Variants in ADAMTSL1 observed in about 807,000 individuals in gnomAD.
The protein encoded by ADAMTSL1 is ADAMTS-like protein 1.
A neutral mutation model predicts 201.8 loss-of-function variants in ADAMTSL1; 126 were observed. The observed-to-expected ratio is 0.62, with a 90% CI of 0.54 to 0.72. The LOEUF is 0.72. Among genes scored for constraint, ADAMTSL1 ranks in the 30% least tolerant of loss-of-function variants. The probability of loss-of-function intolerance (pLI) is 0.00; values close to 1 mark genes in which losing one functional copy is unlikely to be tolerated. For synonymous variants in ADAMTSL1, 1,121 were observed against 903.4 expected (o/e 1.24, Z -4.32); for missense variants, 2,679 against 2,277.8 (o/e 1.18, Z -3.59).
intron 1 of ADAMTSL1, among the ~76,000 whole-genome samples, chr9:18,089,107 G>A (rs926264225): frequency 5.3e-5 from 8 of 152,100 alleles, no homozygotes; most frequent in African/African-American, 1.9e-4. Flanking sequence ...AGCCAAGATC[G>A]TGCCATTGCG....
chr9:18,733,629 C>CCCCCCACCCCCCCA (rs1554745073), intron 15 of ADAMTSL1, among the ~76,000 whole-genome samples: 1 of 138,466 alleles, frequency 7.2e-6, no homozygotes, highest in African/African-American at 2.8e-5. Context: ...CACCACCACT[C>CCCCCCACCCCCCCA]CCCCCACACA....
chr9:17,991,021 C>G (rs901491239), intron 1 of ADAMTSL1, among the ~76,000 whole-genome samples: 10 of 151,962 alleles, frequency 6.6e-5, no homozygotes, highest in African/African-American at 2.4e-4. Flanking sequence ...ATTCCAAACA[C>G]GTAGCTTCAT....
intron 1 of ADAMTSL1, among the ~76,000 whole-genome samples, chr9:18,117,278 G>A (rs1825293609): frequency 6.6e-6 from 1 of 152,086 alleles, no homozygotes; most frequent in Non-Finnish European, 1.5e-5. Flanking sequence ...CCCTCTTTCA[G>A]AGTTAAGGTC....
intron 2 of ADAMTSL1, among the ~76,000 whole-genome samples, chr9:18,197,406 G>A (rs1330751895): frequency 8.0e-6 from 1 of 124,760 alleles, no homozygotes. Flanking sequence ...TCCCTTGTAA[G>A]TTGGATTCCT....
chr9:18,833,240 T>C (rs1027082847), intron 23 of ADAMTSL1, among the ~76,000 whole-genome samples: 1 of 152,212 alleles, frequency 6.6e-6, no homozygotes, highest in African/African-American at 2.4e-5. Context: ...CAGTAGAGGG[T>C]TGAATGATAT....
intron 2 of ADAMTSL1, among the ~76,000 whole-genome samples, chr9:18,285,169 G>T (rs1832946929): frequency 6.6e-6 from 1 of 152,006 alleles, no homozygotes; most frequent in African/African-American, 2.4e-5. Context: ...ACTCTCAAAG[G>T]CAGTATATAA....
At chr9:17,907,617 G>A (rs866090261) in intron 1 of ADAMTSL1, among the ~76,000 whole-genome samples, 5 of 152,122 alleles carry the variant, frequency 3.3e-5, no homozygotes, top group African/African-American at 9.7e-5. Context: ...CTCCAGGGTG[G>A]GAAATTCAGG....
chr9:18,610,700 C>T (rs1825312857), intron 4 of ADAMTSL1, among the ~76,000 whole-genome samples: 1 of 152,168 alleles, frequency 6.6e-6, no homozygotes, highest in South Asian at 2.1e-4. Flanking sequence ...ACTTGGAAAT[C>T]TGAGATGCAT....
intron 1 of ADAMTSL1, among the ~76,000 whole-genome samples, chr9:18,485,694 CAGA>C (rs1212327640): frequency 6.6e-6 from 1 of 152,058 alleles, no homozygotes; most frequent in Non-Finnish European, 1.5e-5. Context: ...GGCAAAGGCC[CAGA>C]AGAAGGAAAG....
chr9:18,390,774 A>G (rs1179460625), intron 2 of ADAMTSL1, among the ~76,000 whole-genome samples: 4 of 152,170 alleles, frequency 2.6e-5, no homozygotes, highest in African/African-American at 9.7e-5. Context: ...TAGCATACAG[A>G]TAAATACAAA....
At chr9:18,019,441 T>C (rs1820391922) in intron 1 of ADAMTSL1, among the ~76,000 whole-genome samples, 1 of 152,080 alleles carries the variant, frequency 6.6e-6, no homozygotes, top group African/African-American at 2.4e-5. Context: ...TGACCGGACC[T>C]TTGTTAAGAC....
intron 15 of ADAMTSL1, among the ~76,000 whole-genome samples, chr9:18,752,439 C>G (rs1819519886): frequency 6.6e-6 from 1 of 152,222 alleles, no homozygotes; most frequent in Admixed American, 6.5e-5. Context: ...GTGCCTCAGA[C>G]TGTAAACAGA....
At chr9:18,855,945 A>C (rs1374769463) in intron 23 of ADAMTSL1, among the ~76,000 whole-genome samples, 1 of 152,206 alleles carries the variant, frequency 6.6e-6, no homozygotes, top group Non-Finnish European at 1.5e-5. Flanking sequence ...CACAGAAGAA[A>C]ATGACCATGG....
intron 9 of ADAMTSL1, among the ~76,000 whole-genome samples, chr9:18,673,795 G>C (rs1323563095): frequency 6.6e-6 from 1 of 152,116 alleles, no homozygotes; most frequent in Non-Finnish European, 1.5e-5. Context: ...AAAGATACTA[G>C]AGTAATGTAA....
At chr9:18,883,745 G>C (rs983107152) in intron 23 of ADAMTSL1, among the ~76,000 whole-genome samples, 1 of 152,170 alleles carries the variant, frequency 6.6e-6, no homozygotes, top group African/African-American at 2.4e-5. Context: ...GCATATGTCA[G>C]AATGTCATTC....
chr9:18,670,834 A>C (rs1829762373), intron 9 of ADAMTSL1, among the ~76,000 whole-genome samples: 1 of 152,154 alleles, frequency 6.6e-6, no homozygotes, highest in South Asian at 2.1e-4. Flanking sequence ...GTTGGCCCTC[A>C]GTATCCATGG....
At chr9:18,486,426 C>T (rs1036862998) in intron 1 of ADAMTSL1, among the ~76,000 whole-genome samples, 2 of 152,154 alleles carry the variant, frequency 1.3e-5, no homozygotes, top group East Asian at 3.9e-4. Context: ...CTGGCCTAGC[C>T]AGCATGGTGG....
intron 23 of ADAMTSL1, among the ~76,000 whole-genome samples, chr9:18,865,813 C>T (rs1394441740): frequency 6.6e-6 from 1 of 152,134 alleles, no homozygotes; most frequent in Admixed American, 6.5e-5. Flanking sequence ...GCGTCCTCCT[C>T]AGCCACCTCA....
intron 1 of ADAMTSL1, among the ~76,000 whole-genome samples, chr9:18,108,190 T>G (rs1824845061): frequency 7.0e-6 from 1 of 143,660 alleles, no homozygotes; most frequent in Non-Finnish European, 1.5e-5. Context: ...AAAGCAAGAG[T>G]GTGGAATTTT....
Sources: allele counts gnomAD v4.1 joint callset (sites outside exome capture counted in the v4.1 genomes callset), GRCh38; gene constraint gnomAD v4.1.1; transcripts MANE v1.5; gene names NCBI Gene and HGNC (gene_info 2026-07-23, HGNC 2026-07-21).